GSK3B: variants seen among roughly 807,000 people sequenced by gnomAD.
GSK3B encodes glycogen synthase kinase-3 beta.
A neutral mutation model predicts 56.4 loss-of-function variants in GSK3B; 15 were observed. That is an observed-to-expected ratio of 0.27 (90% CI 0.18 to 0.41). GSK3B has a LOEUF of 0.41. Among genes scored for constraint, GSK3B ranks in the 10% least tolerant of loss-of-function variants. The probability of loss-of-function intolerance (pLI) is 1.00; values close to 1 mark genes in which losing one functional copy is unlikely to be tolerated. For missense variants in GSK3B, 300 were observed against 513.4 expected, an observed-to-expected ratio of 0.58 and a Z score of 4.02; for synonymous variants, 181 against 188.9, an observed-to-expected ratio of 0.96 and a Z score of 0.34.
chr3:120,018,628 T>C (rs1257214475), intron 1 of GSK3B, among the ~76,000 whole-genome samples: 1 of 152,234 alleles, frequency 6.6e-6, no homozygotes, highest in African/African-American at 2.4e-5. Context: ...AAAGTGAAAG[T>C]GAATTGAATA....
Position 119,824,622 on chromosome 3 carries a change from A to C in GSK3B, c.*2166T>G, listed in dbSNP as rs903294380. ...TCTATCAACGCCACTACCTTTAAGG[A>C]GTTATGCTGCCAAATACTTTGATTT... On this transcript the variant is annotated 3_prime_UTR_variant, in exon 11 of 11. Transcript: ENST00000264235. The C allele has an allele frequency of 5.0e-6, 1 of 201,856 alleles. No individual in the cohort carries two copies. Among genetic ancestry groups the C allele is most frequent in the African/African-American group, 2.3e-5 (1 of 43,502 alleles). The allele number at this position is 201,856 out of a possible 1,614,324, so 12.5% of individuals were successfully genotyped here.
At chr3:120,073,209 CAAAAAAAATT>C (rs2058340133) in intron 1 of GSK3B, among the ~76,000 whole-genome samples, 1 of 45,196 alleles carries the variant, frequency 2.2e-5, no homozygotes, top group Non-Finnish European at 4.7e-5. Context: ...CTCATCTCTA[CAAAAAAAATT>C]AAAAAAAAAA....
At chr3:120,053,337 A>T (rs562725893) in intron 1 of GSK3B, among the ~76,000 whole-genome samples, 45 of 152,348 alleles carry the variant, frequency 3.0e-4, no homozygotes, top group African/African-American at 9.9e-4. Flanking sequence ...ACACTGGCTC[A>T]AAAGAAAAAG....
At chr3:119,909,828 GT>G (rs2056718290) in intron 6 of GSK3B, among the ~76,000 whole-genome samples, 1 of 152,080 alleles carries the variant, frequency 6.6e-6, no homozygotes, top group African/African-American at 2.4e-5. Flanking sequence ...TCTCTATTCA[GT>G]TCCTCCTATC....
At chr3:120,063,660 A>T (rs1273275193) in intron 1 of GSK3B, among the ~76,000 whole-genome samples, 2 of 150,610 alleles carry the variant, frequency 1.3e-5, no homozygotes, top group Non-Finnish European at 3.0e-5. Flanking sequence ...CCCAGGAGGC[A>T]GAGGTTGCAG....
rs565953304 is a variant in GSK3B at position 119,918,301 on chromosome 3, C to T, written c.478-2127G>A. Among the ~76,000 whole-genome samples, 14 of 151,414 alleles carry T rather than the reference C, an allele frequency of 9.2e-5. 1 individual carries two copies. The highest frequency in any genetic ancestry group is 3.4e-3 in the Middle Eastern group (1 of 294). On this transcript the variant is annotated intron_variant, in intron 4 of 10. Coordinates refer to ENST00000264235, the MANE Select transcript of GSK3B (RefSeq NM_001146156.2). Reference sequence around the variant, plus strand: ...CCCTGGGGGCAACATGGTGAAACCCCGTCTCTACTAAAATGCAAAAAATTA... The same window carrying T: ...CCCTGGGGGCAACATGGTGAAACCCTGTCTCTACTAAAATGCAAAAAATTA...
intron 3 of GSK3B, among the ~76,000 whole-genome samples, chr3:119,945,966 A>G (rs2057095996): frequency 6.6e-6 from 1 of 152,124 alleles, no homozygotes; most frequent in Non-Finnish European, 1.5e-5. Context: ...AGGAAAAAGC[A>G]AACACATGCC....
intron 8 of GSK3B, among the ~76,000 whole-genome samples, chr3:119,871,727 A>C (rs2056252028): frequency 6.6e-6 from 1 of 152,166 alleles, no homozygotes; most frequent in South Asian, 2.1e-4. Flanking sequence ...GGCAGAAATG[A>C]ATGTGGCTTC....
intron 1 of GSK3B, 93 bp from the exon 2 acceptor site, chr3:120,002,332 AT>A: frequency 1.7e-6 from 1 of 576,192 alleles, no homozygotes; most frequent in Non-Finnish European, 2.8e-6. Context: ...TATATTCTTT[AT>A]TTTTTATTTT....
chr3:120,033,479 T>C (rs139443157), intron 1 of GSK3B, among the ~76,000 whole-genome samples: 5 of 152,326 alleles, frequency 3.3e-5, no homozygotes, highest in African/African-American at 1.2e-4. Flanking sequence ...CTAACAAACA[T>C]TGGTTATAAT....
intron 1 of GSK3B, among the ~76,000 whole-genome samples, chr3:120,055,977 T>C (rs2058188381): frequency 1.3e-5 from 2 of 152,184 alleles, no homozygotes; most frequent in South Asian, 4.1e-4. Flanking sequence ...CCAAAACCAT[T>C]TTCATAATAA....
chr3:119,826,480 G>T lies in GSK3B; in HGVS notation c.*308C>A. The T allele has an allele frequency of 2.0e-6, 1 of 503,044 alleles. No homozygotes were observed. Among genetic ancestry groups the T allele is most frequent in the Non-Finnish European group, 3.6e-6 (1 of 277,460 alleles). The allele number at this position is 503,044 out of a possible 1,614,324, so 31.2% of individuals were successfully genotyped here. On this transcript the variant is annotated 3_prime_UTR_variant, in exon 11 of 11. Transcript: ENST00000264235. ...AGTCCTGTTTTTAAAGTATACAACA[G>T]CAGACTTTTAATAAAAAAAGATTGT...
chr3:119,911,894 T>C (rs771184068), intron 6 of GSK3B, among the ~76,000 whole-genome samples: 10 of 152,194 alleles, frequency 6.6e-5, no homozygotes, highest in Non-Finnish European at 1.2e-4. Flanking sequence ...GTTGGTTTGA[T>C]CTATCCAAAC....
chr3:120,065,688 C>A (rs756775532), intron 1 of GSK3B, among the ~76,000 whole-genome samples: 2 of 152,064 alleles, frequency 1.3e-5, no homozygotes, highest in African/African-American at 2.4e-5. Context: ...TTCACAATAG[C>A]CAAAAGCCAT....
At chr3:119,965,026 A>G (rs2057305748) in intron 2 of GSK3B, among the ~76,000 whole-genome samples, 1 of 149,738 alleles carries the variant, frequency 6.7e-6, no homozygotes, top group Admixed American at 6.7e-5. Flanking sequence ...GGTTTTTGTA[A>G]TATTATGTTT....
intron 10 of GSK3B, among the ~76,000 whole-genome samples, chr3:119,839,523 TAGACAC>T (rs1419353493): frequency 6.6e-6 from 1 of 152,176 alleles, no homozygotes; most frequent in East Asian, 1.9e-4. Context: ...GATCTTGCTC[TAGACAC>T]AAATATACTT....
At chr3:119,876,631 T>C in intron 7 of GSK3B, 123 bp from the exon 8 acceptor site, 1 of 636,364 alleles carries the variant, frequency 1.6e-6, no homozygotes, top group Admixed American at 2.7e-5. Flanking sequence ...CGTAACTCAT[T>C]AAATAGAGCA....
intron 8 of GSK3B, among the ~76,000 whole-genome samples, chr3:119,868,755 T>A (rs746604561): frequency 1.3e-5 from 2 of 152,186 alleles, no homozygotes; most frequent in African/African-American, 4.8e-5. Context: ...ACAACACTCA[T>A]CCTATATCCT....
chr3:120,052,787 G>C (rs959358924), intron 1 of GSK3B, among the ~76,000 whole-genome samples: 1 of 151,820 alleles, frequency 6.6e-6, no homozygotes, highest in Admixed American at 6.6e-5. Flanking sequence ...TGGAGGCAGG[G>C]AGAAAATAAT....
Sources: gnomAD v4.1 joint callset for allele counts (sites outside exome capture counted in the v4.1 genomes callset) on GRCh38, gnomAD v4.1.1 for gene constraint, MANE v1.5 for transcripts, NCBI Gene and HGNC (gene_info 2026-07-23, HGNC 2026-07-21) for gene names.